Variants in QTGAL observed in about 807,000 individuals in gnomAD.
QTGAL encodes the protein BGnT-like protein 1.
At chr17:82,998,345 G>GT in the QTGAL span, among the ~76,000 whole-genome samples, 1 of 152,084 alleles carries the variant, frequency 6.6e-6, no homozygotes, top group Middle Eastern at 3.2e-3. Flanking sequence ...TTACAACTTT[G>GT]TTTGTTTTGT....
chr17:82,960,279 G>C, the QTGAL span: 1 of 152,214 alleles, frequency 6.6e-6, no homozygotes, highest in Non-Finnish European at 1.5e-5. Context: ...ACCCCATCAC[G>C]GCAGGCCTGG....
the QTGAL span, among the ~76,000 whole-genome samples, chr17:82,951,313 C>T: frequency 3.3e-5 from 5 of 152,234 alleles, no homozygotes; most frequent in Non-Finnish European, 5.9e-5. Context: ...CCTCACCTCA[C>T]ACTCATATTA....
At chr17:82,970,629 C>A in the QTGAL span, among the ~76,000 whole-genome samples, 2,976 of 91,744 alleles carry the variant, frequency 0.032, 536 homozygotes, top group African/African-American at 0.13. Context: ...CCCGGCGTGG[C>A]CGCGACCTCC....
At chr17:82,970,645 C>CAGTGTGGCTGTGACCTCTGCACAT in the QTGAL span, among the ~76,000 whole-genome samples, 16 of 68,440 alleles carry the variant, frequency 2.3e-4, 2 homozygotes, top group Admixed American at 3.4e-4. Flanking sequence ...CCTCCGCACC[C>CAGTGTGGCTGTGACCTCTGCACAT]GGTGTGGCCG....
At chr17:82,961,399 A>T in the QTGAL span, 19 of 187,746 alleles carry the variant, frequency 1.0e-4, no homozygotes, top group East Asian at 6.3e-4. Flanking sequence ...AGGGGAAGGG[A>T]GGGTGGGCTG....
At chr17:82,951,808 T>C in the QTGAL span, among the ~76,000 whole-genome samples, 1 of 50,088 alleles carries the variant, frequency 2.0e-5, no homozygotes, top group Non-Finnish European at 3.8e-5. Flanking sequence ...AGGGGTGGGG[T>C]GGGGGGGAGC....
At chr17:82,997,089 T>C in the QTGAL span, among the ~76,000 whole-genome samples, 3 of 152,270 alleles carry the variant, frequency 2.0e-5, no homozygotes, top group East Asian at 5.8e-4. Context: ...CAAAGGAAAC[T>C]ATCAACAAAG....
At chr17:83,031,139 A>C in the QTGAL span, among the ~76,000 whole-genome samples, 1 of 152,280 alleles carries the variant, frequency 6.6e-6, no homozygotes, top group Non-Finnish European at 1.5e-5. Context: ...TTCCAAGAAC[A>C]CAGACAACCG....
At chr17:82,994,793 A>G in the QTGAL span, among the ~76,000 whole-genome samples, 1 of 152,216 alleles carries the variant, frequency 6.6e-6, no homozygotes, top group Non-Finnish European at 1.5e-5. Flanking sequence ...ATCCTCAACA[A>G]AGTACTAGCA....
At chr17:83,025,863 C>T in the QTGAL span, among the ~76,000 whole-genome samples, 9 of 152,186 alleles carry the variant, frequency 5.9e-5, no homozygotes, top group Non-Finnish European at 1.2e-4. Context: ...CCTGTCGTGA[C>T]GGGAGGCCGT....
chr17:83,015,243 C>T, the QTGAL span, among the ~76,000 whole-genome samples: 4 of 151,854 alleles, frequency 2.6e-5, no homozygotes, highest in East Asian at 1.9e-4. The surrounding 1 kb of genome is among the most constrained non-coding windows in gnomAD (Gnocchi z 4.4). Context: ...GGACCGTCTG[C>T]GGTGAGGACC....
the QTGAL span, among the ~76,000 whole-genome samples, chr17:82,966,093 T>G: frequency 6.6e-6 from 1 of 151,788 alleles, no homozygotes; most frequent in East Asian, 1.9e-4. Context: ...CTTTTTTTTT[T>G]TTTTTGTAGA....
chr17:83,033,261 A>G, the QTGAL span, among the ~76,000 whole-genome samples: 1 of 152,216 alleles, frequency 6.6e-6, no homozygotes, highest in African/African-American at 2.4e-5. Context: ...GACCTGCCGG[A>G]AACTTCTCCA....
At chr17:83,034,347 G>T in the QTGAL span, among the ~76,000 whole-genome samples, 1 of 152,118 alleles carries the variant, frequency 6.6e-6, no homozygotes, top group Non-Finnish European at 1.5e-5. Flanking sequence ...TGCTCACATC[G>T]CTCTCTGCTG....
At chr17:82,970,672 C>CGTGGCCGTGACCTCCGCACCCAGT in the QTGAL span, among the ~76,000 whole-genome samples, 6 of 65,102 alleles carry the variant, frequency 9.2e-5, 2 homozygotes, top group African/African-American at 3.1e-4. Context: ...CCGCACCCAG[C>CGTGGCCGTGACCTCCGCACCCAGT]GTGGCCGTGA....
chr17:83,020,905 G>C, the QTGAL span, among the ~76,000 whole-genome samples: 2 of 152,134 alleles, frequency 1.3e-5, no homozygotes, highest in African/African-American at 4.8e-5. Flanking sequence ...CATTGCGAAG[G>C]GGCATGAAAG....
At chr17:83,024,647 C>T in the QTGAL span, among the ~76,000 whole-genome samples, 4 of 152,254 alleles carry the variant, frequency 2.6e-5, no homozygotes, top group African/African-American at 7.2e-5. Flanking sequence ...GGTGAATCCA[C>T]GCGTGTTAAC....
At chr17:83,023,822 C>T in the QTGAL span, among the ~76,000 whole-genome samples, 4 of 152,248 alleles carry the variant, frequency 2.6e-5, no homozygotes, top group East Asian at 3.8e-4. Flanking sequence ...ACCCAACCTT[C>T]ATGGGTTAGA....
At chr17:82,949,058 T>C in the QTGAL span, 1 of 152,040 alleles carries the variant, frequency 6.6e-6, no homozygotes, top group East Asian at 1.9e-4. Context: ...CTAATGAAAA[T>C]AATAATTTAC....
Sources: allele counts gnomAD v4.1 joint callset (sites outside exome capture counted in the v4.1 genomes callset), GRCh38; gene constraint gnomAD v4.1.1; non-coding constraint Gnocchi (gnomAD v3.1); transcripts MANE v1.5; gene names NCBI Gene and HGNC (gene_info 2026-07-23, HGNC 2026-07-21).